Variants in PGR observed in about 807,000 individuals in gnomAD.
The protein encoded by PGR is nuclear receptor subfamily 3 group C member 3.
PGR carries 25 observed loss-of-function variants against 76.1 expected under a neutral mutation model. The observed-to-expected ratio is 0.33, with a 90% CI of 0.24 to 0.46. PGR has a LOEUF of 0.46. Ranked by LOEUF, PGR falls within the 20% of genes least tolerant of loss-of-function variation. The pLI is 1.00. For missense variants in PGR, 1,172 were observed against 1,225.3 expected (o/e 0.96, Z 0.65); for synonymous variants, 579 against 535.0 (o/e 1.08, Z -1.14).
chr11:101,052,269 CTGTGTGTGTGTGTG>C (rs55925008), intron 4 of PGR, among the ~76,000 whole-genome samples: 30,938 of 141,708 alleles, frequency 0.22, 3,930 homozygotes, highest in East Asian at 0.66. Flanking sequence ...GATTTAGAAT[CTGTGTGTGTGTGTG>C]TGTGTGTGTG....
At position 101,038,933 on chromosome 11, in the gene PGR, C is replaced by CT; in HGVS notation, c.*182dup. ...TGGGTAAACAAAACAGTTAAACATTCTAATTATACTTTATAAAAGAAAATA... is the reference window on the plus strand; with the variant it reads ...TGGGTAAACAAAACAGTTAAACATTCTTAATTATACTTTATAAAAGAAAATA... On this transcript the variant is annotated 3_prime_UTR_variant, in exon 8 of 8. Transcript: ENST00000325455. 1 of 518,406 alleles carries CT rather than the reference C, an allele frequency of 1.9e-6. No individual in the cohort carries two copies. The highest frequency in any genetic ancestry group is 3.4e-6 in the Non-Finnish European group (1 of 294,026). 32.1% of individuals were successfully genotyped at this position (518,406 alleles called of 1,614,324 possible).
In PGR at chr11:101,035,865, T is replaced by C; in HGVS notation, c.*3251A>G. 4.3e-6 allele frequency: 1 copy of C among 231,506 alleles called. No homozygotes were observed. The highest frequency in any genetic ancestry group is 2.2e-5 in the African/African-American group (1 of 45,382). The allele number at this position is 231,506 out of a possible 1,614,324, so 14.3% of individuals were successfully genotyped here. ...AGACTTTCTAGAATCCTGCTTTCAC[T>C]GTAGAATATAGCTGGTGAGTTTGAT... On this transcript the variant is annotated 3_prime_UTR_variant, in exon 8 of 8. Transcript: ENST00000325455.
intron 2 of PGR, among the ~76,000 whole-genome samples, chr11:101,092,767 C>G (rs1171054938): frequency 6.6e-6 from 1 of 152,144 alleles, no homozygotes. Context: ...ATTTTTGACA[C>G]TCTCTTTTTT....
chr11:101,121,202 T>C (rs1024256625), intron 2 of PGR, among the ~76,000 whole-genome samples: 1 of 152,218 alleles, frequency 6.6e-6, no homozygotes, highest in East Asian at 1.9e-4. Flanking sequence ...AAAGCTGCTA[T>C]AGAGCAGACT....
chr11:101,111,623 G>A (rs1399813490), intron 2 of PGR, among the ~76,000 whole-genome samples: 1 of 152,136 alleles, frequency 6.6e-6, no homozygotes, highest in Admixed American at 6.5e-5. Context: ...CCTGGGGCGA[G>A]GTGCAGAAAT....
chr11:101,080,793 C>T (rs1396966997), intron 3 of PGR, among the ~76,000 whole-genome samples: 1 of 151,950 alleles, frequency 6.6e-6, no homozygotes, highest in Non-Finnish European at 1.5e-5. Context: ...TCAATAGTAG[C>T]TTCTGGAATT....
chr11:101,054,421 T>G (rs1481693812), intron 4 of PGR, among the ~76,000 whole-genome samples: 1 of 152,188 alleles, frequency 6.6e-6, no homozygotes, highest in African/African-American at 2.4e-5. Context: ...AATAACTTTT[T>G]AAGAAAATTA....
intron 2 of PGR, among the ~76,000 whole-genome samples, chr11:101,095,143 G>C (rs1861796737): frequency 6.6e-6 from 1 of 152,124 alleles, no homozygotes; most frequent in South Asian, 2.1e-4. Context: ...AATCTAAATG[G>C]TATTTAATAT....
At position 101,127,799 on chromosome 11, in the gene PGR, CGGGGGCGGT is replaced by C. The variant is rs1334764208; in HGVS notation, c.1263_1271del (p.Pro422_Pro424del). On this transcript the variant is annotated inframe_deletion, in exon 1 of 8. Coordinates refer to ENST00000325455, the MANE Select transcript of PGR (RefSeq NM_000926.4). ...TGGATGGGGTCGCTCGCGGCGGCAG[CGGGGGCGGT>C]GGCCCCAACGGGAAATCCGGGAAGG... The C allele has an allele frequency of 6.4e-7, 1 of 1,566,540 alleles. No homozygotes were observed. Among genetic ancestry groups the C allele is most frequent in the South Asian group, 1.1e-5 (1 of 87,316 alleles).
chr11:101,126,003 C>T lies in PGR; in HGVS notation c.1789+4G>A. The T allele has an allele frequency of 1.2e-6, 2 of 1,613,386 alleles. No individual in the cohort carries two copies. Among genetic ancestry groups the T allele is most frequent in the African/African-American group, 1.3e-5 (1 of 74,996 alleles). On this transcript the variant is annotated splice_donor_region_variant and intron_variant, in intron 2 of 7. Transcript: ENST00000325455. ...TAATAAAGGATCAGGGGAAAGGAGC[C>T]TACCTTCCATTGCCCTCTTAAAGAA...
At chr11:101,102,601 T>C (rs1446348708) in intron 2 of PGR, among the ~76,000 whole-genome samples, 1 of 152,134 alleles carries the variant, frequency 6.6e-6, no homozygotes, top group East Asian at 1.9e-4. Context: ...AATCAGTAGG[T>C]TTTAAAATAT....
At chr11:101,121,425 T>G (rs1862672006) in intron 2 of PGR, among the ~76,000 whole-genome samples, 1 of 152,252 alleles carries the variant, frequency 6.6e-6, no homozygotes, top group Admixed American at 6.5e-5. Context: ...TCTTTCTCTT[T>G]CTGATGCTGT....
intron 1 of PGR, 60 bp downstream of exon 1, chr11:101,127,374 C>T (rs11571153): frequency 0.31 from 403,884 of 1,308,764 alleles, 67,251 homozygotes; most frequent in Non-Finnish European, 0.34. Context: ...TGGCGGCCGC[C>T]GCCGCCAACG....
intron 3 of PGR, among the ~76,000 whole-genome samples, chr11:101,064,963 C>T (rs1004780193): frequency 4.6e-5 from 7 of 152,138 alleles, no homozygotes; most frequent in Non-Finnish European, 1.0e-4. Context: ...GGTTTGTAGC[C>T]CAGGAGCAAT....
At chr11:101,076,775 A>C (rs1405826975) in intron 3 of PGR, among the ~76,000 whole-genome samples, 2 of 151,726 alleles carry the variant, frequency 1.3e-5, no homozygotes, top group Admixed American at 6.6e-5. Flanking sequence ...AAAGCTTATA[A>C]ACTTCTTTAG....
chr11:101,073,703 C>A (rs1190633192), intron 3 of PGR, among the ~76,000 whole-genome samples: 1 of 152,244 alleles, frequency 6.6e-6, no homozygotes, highest in African/African-American at 2.4e-5. Flanking sequence ...CTATAAACAC[C>A]TCTATGAAAA....
At position 101,129,705 on chromosome 11, in the gene PGR, C is replaced by T. The variant is rs1863037646; in HGVS notation, c.-635G>A. ...AGTAGTGCGGGAGCACTAGCCGCCT[C>T]GGGTTGTAGATTTCACTCAAATGAC... On this transcript the variant is annotated 5_prime_UTR_variant, in exon 1 of 8. Coordinates refer to ENST00000325455, the MANE Select transcript of PGR (RefSeq NM_000926.4). 1 of 180,782 alleles carries T rather than the reference C, an allele frequency of 5.5e-6. No homozygotes were observed. Among genetic ancestry groups the T allele is most frequent in the Non-Finnish European group, 1.2e-5 (1 of 84,642 alleles). 11.2% of individuals were successfully genotyped at this position (180,782 alleles called of 1,614,324 possible).
At chr11:101,051,109 G>A (rs1403313335) in intron 5 of PGR, among the ~76,000 whole-genome samples, 3 of 151,884 alleles carry the variant, frequency 2.0e-5, no homozygotes, top group African/African-American at 7.2e-5. Context: ...TTGAATGTAA[G>A]TCAGTAACAA....
At chr11:101,111,175 A>G (rs1862330951) in intron 2 of PGR, among the ~76,000 whole-genome samples, 1 of 152,190 alleles carries the variant, frequency 6.6e-6, no homozygotes, top group Admixed American at 6.5e-5. Flanking sequence ...TAATGTGTCT[A>G]CTATAGTGCC....
Sources: allele counts gnomAD v4.1 joint callset (sites outside exome capture counted in the v4.1 genomes callset), GRCh38; gene constraint gnomAD v4.1.1; transcripts MANE v1.5; gene names NCBI Gene and HGNC (gene_info 2026-07-23, HGNC 2026-07-21).